The following DCDC2C variants were observed in gnomAD, a reference collection of about 807,000 sequenced individuals.
DCDC2C encodes doublecortin domain containing 2C.
DCDC2C carries 44 observed loss-of-function variants against 45.0 expected under a neutral mutation model. That is an observed-to-expected ratio of 0.98 (90% CI 0.77 to 1.26). The LOEUF (loss-of-function observed/expected upper bound fraction) is 1.26, where lower values mean the gene tolerates loss of function less well. DCDC2C is among the 50% of genes most tolerant of loss of function. The pLI is 0.00. For missense variants in DCDC2C, 447 were observed against 468.9 expected, an observed-to-expected ratio of 0.95 and a Z score of 0.43; for synonymous variants, 187 against 178.8, an observed-to-expected ratio of 1.05 and a Z score of -0.37.
intron 10 of DCDC2C, among the ~76,000 whole-genome samples, chr2:3,806,766 C>T (rs1438453437): frequency 6.6e-6 from 1 of 151,924 alleles, no homozygotes; most frequent in Non-Finnish European, 1.5e-5. Flanking sequence ...TCAGGCTAGT[C>T]TCCAACTCCT....
intron 6 of DCDC2C, 82 bp from the exon 7 acceptor site, chr2:3,767,672 C>T: frequency 1.3e-6 from 2 of 1,494,776 alleles, no homozygotes; most frequent in Non-Finnish European, 1.8e-6. Flanking sequence ...TTGTGTCTTC[C>T]TGACCACACC....
intron 10 of DCDC2C, among the ~76,000 whole-genome samples, chr2:3,795,152 A>G (rs1407820789): frequency 4.0e-5 from 6 of 151,822 alleles, no homozygotes; most frequent in East Asian, 1.9e-4. Flanking sequence ...TTTTGGCTGC[A>G]TAAATGTCTT....
intron 2 of DCDC2C, among the ~76,000 whole-genome samples, chr2:3,711,442 C>T (rs1366286719): frequency 2.0e-5 from 3 of 152,088 alleles, no homozygotes; most frequent in Non-Finnish European, 2.9e-5. Flanking sequence ...TACATTTACA[C>T]CATGGAATAC....
In DCDC2C at chr2:3,739,568, C is replaced by T. The variant is rs890925161; in HGVS notation, c.417-2352C>T. Among the ~76,000 whole-genome samples the T allele has an allele frequency of 3.9e-5, 6 of 152,364 alleles. No homozygotes were observed. The South Asian group carries it at 1.0e-3, about 26-fold the overall frequency. On this transcript the variant is annotated intron_variant, in intron 3 of 10. Transcript: ENST00000399143. ...ACCGGCAGGCCGCCGACCGGCAGAA[C>T]GACACAGAGTTTGGCTGGGGCAGTT...
chr2:3,714,818 C>G (rs1015453143), intron 2 of DCDC2C, among the ~76,000 whole-genome samples: 1 of 152,242 alleles, frequency 6.6e-6, no homozygotes, highest in Non-Finnish European at 1.5e-5. Flanking sequence ...CCAATACTCA[C>G]TTCCACTATA....
chr2:3,828,208 C>A (rs1671873852), intron 10 of DCDC2C, among the ~76,000 whole-genome samples: 1 of 152,192 alleles, frequency 6.6e-6, no homozygotes, highest in Non-Finnish European at 1.5e-5. Context: ...AACAACCTTG[C>A]CAGATGGTTA....
intron 10 of DCDC2C, among the ~76,000 whole-genome samples, chr2:3,811,612 C>A (rs948628734): frequency 6.6e-6 from 1 of 152,156 alleles, no homozygotes; most frequent in African/African-American, 2.4e-5. Context: ...ACTTCCAATA[C>A]TATATTGAAT....
chr2:3,819,750 G>A (rs1362054771), intron 10 of DCDC2C, among the ~76,000 whole-genome samples: 1 of 152,190 alleles, frequency 6.6e-6, no homozygotes. Flanking sequence ...ATTTGGGAGA[G>A]ATAGGATAAA....
At chr2:3,840,495 T>A (rs1464594397) in intron 10 of DCDC2C, among the ~76,000 whole-genome samples, 2 of 152,250 alleles carry the variant, frequency 1.3e-5, no homozygotes, top group Non-Finnish European at 2.9e-5. Context: ...ACAATTTGCA[T>A]AATGTTGGCA....
chr2:3,779,116 C>T (rs1280692856), intron 9 of DCDC2C, among the ~76,000 whole-genome samples: 1 of 152,240 alleles, frequency 6.6e-6, no homozygotes, highest in East Asian at 1.9e-4. Context: ...GTCCTAATTA[C>T]TTTCCGCTCT....
intron 10 of DCDC2C, among the ~76,000 whole-genome samples, chr2:3,795,187 C>T (rs74675128): frequency 0.11 from 15,986 of 151,774 alleles, 1,063 homozygotes; most frequent in East Asian, 0.28. Context: ...CTGTTTATGT[C>T]CTTCGCCCAC....
At chr2:3,827,699 T>C (rs1045920691) in intron 10 of DCDC2C, among the ~76,000 whole-genome samples, 1 of 152,198 alleles carries the variant, frequency 6.6e-6, no homozygotes. Context: ...TTCAGTGTGA[T>C]AAATGCCAAC....
chr2:3,836,038 C>A (rs892711973), intron 10 of DCDC2C, among the ~76,000 whole-genome samples: 1 of 152,260 alleles, frequency 6.6e-6, no homozygotes, highest in Admixed American at 6.5e-5. Context: ...GCCACTGTGG[C>A]CAGCCAAAAT....
chr2:3,725,710 CAA>C (rs1668647459), intron 2 of DCDC2C, among the ~76,000 whole-genome samples: 1 of 146,426 alleles, frequency 6.8e-6, no homozygotes, highest in Admixed American at 6.8e-5. Flanking sequence ...GGGAGATGAG[CAA>C]AGAGTGACGA....
intron 6 of DCDC2C, among the ~76,000 whole-genome samples, chr2:3,760,721 T>C (rs1669856139): frequency 6.6e-6 from 1 of 152,060 alleles, no homozygotes; most frequent in Admixed American, 6.6e-5. Flanking sequence ...AACAAATACC[T>C]AATGCATGCG....
intron 5 of DCDC2C, 82 bp downstream of exon 5, chr2:3,752,982 G>C: frequency 7.2e-7 from 1 of 1,380,900 alleles, no homozygotes; most frequent in Non-Finnish European, 9.8e-7. Flanking sequence ...AATAGGTCCA[G>C]TTCAGCTATT....
chr2:3,837,713 C>A (rs1448649912), intron 10 of DCDC2C, among the ~76,000 whole-genome samples: 1 of 32,906 alleles, frequency 3.0e-5, no homozygotes, highest in Non-Finnish European at 8.2e-5. Context: ...AAGCGCAACA[C>A]CATTGAAATT....
Position 3,767,898 on chromosome 2 carries a change from T to G in DCDC2C, c.853+18T>G. ...GGGTGCAGGTGACGTGCAGTTTCATTCTGCTGTAGGCAGTTCGAAACTTTA... is the reference window on the plus strand; with the variant it reads ...GGGTGCAGGTGACGTGCAGTTTCATGCTGCTGTAGGCAGTTCGAAACTTTA... On this transcript the variant is annotated intron_variant, in intron 7 of 10. Transcript: ENST00000399143. 2 of 1,490,198 alleles carry G rather than the reference T, an allele frequency of 1.3e-6. No homozygotes were observed. The highest frequency in any genetic ancestry group is 8.9e-7 in the Non-Finnish European group (1 of 1,124,844). The allele number at this position is 1,490,198 out of a possible 1,614,324, so 92.3% of individuals were successfully genotyped here. A position where few individuals can be genotyped will look rare whatever the true frequency, so the allele number is the denominator to read the frequency against.
intron 2 of DCDC2C, among the ~76,000 whole-genome samples, chr2:3,711,912 A>G (rs1668221517): frequency 6.6e-6 from 1 of 152,156 alleles, no homozygotes; most frequent in Non-Finnish European, 1.5e-5. Flanking sequence ...GGTCGTGGGG[A>G]TGGAGCAGTA....
Sources: allele counts gnomAD v4.1 joint callset (sites outside exome capture counted in the v4.1 genomes callset), GRCh38; gene constraint gnomAD v4.1.1; transcripts MANE v1.5; gene names NCBI Gene and HGNC (gene_info 2026-07-23, HGNC 2026-07-21).